Variants in FTCDNL1 observed in about 807,000 individuals in gnomAD.
FTCDNL1 encodes the protein formiminotransferase cyclodeaminase N-terminal like, also known as formiminotransferase N-terminal subdomain-containing protein.
In FTCDNL1, 11 loss-of-function variants were observed where a neutral mutation model predicts 5.9. The observed-to-expected ratio is 1.87, with a 90% CI of 1.18 to 3.10. FTCDNL1 has a LOEUF of 3.10. FTCDNL1 is among the 30% of genes most tolerant of loss of function. FTCDNL1 has a pLI of 0.00. For missense variants in FTCDNL1, 115 were observed against 65.5 expected (o/e 1.76, Z -2.61); for synonymous variants, 58 against 24.8 (o/e 2.34, Z -3.99).
chr2:199,831,948 TATAAACAGAAAA>T (rs1376379880), intron 3 of FTCDNL1, among the ~76,000 whole-genome samples: 1 of 152,146 alleles, frequency 6.6e-6, no homozygotes, highest in Non-Finnish European at 1.5e-5. Flanking sequence ...CTCTCCTCCC[TATAAACAGAAAA>T]ATAATGTGCC....
chr2:199,712,588 G>A, the FTCDNL1 span, among the ~76,000 whole-genome samples: 1 of 152,150 alleles, frequency 6.6e-6, no homozygotes, highest in East Asian at 1.9e-4. Flanking sequence ...AAACTAGGTG[G>A]CTTCAGTCAA....
At chr2:199,708,102 T>G in the FTCDNL1 span, among the ~76,000 whole-genome samples, 12 of 89,474 alleles carry the variant, frequency 1.3e-4, no homozygotes, top group African/African-American at 2.2e-4. Context: ...AGATTCTGAG[T>G]TTTTTTTCTG....
At chr2:199,819,969 A>G (rs984573953) in intron 3 of FTCDNL1, among the ~76,000 whole-genome samples, 10 of 152,218 alleles carry the variant, frequency 6.6e-5, no homozygotes, top group African/African-American at 1.9e-4. Context: ...TTTAAACATC[A>G]AAGCTTAAAC....
At chr2:199,784,801 G>A (rs952430877) in intron 3 of FTCDNL1, among the ~76,000 whole-genome samples, 1 of 152,138 alleles carries the variant, frequency 6.6e-6, no homozygotes, top group African/African-American at 2.4e-5. Flanking sequence ...ACTCATCTGT[G>A]AGTTATCAGC....
chr2:199,733,863 A>T, the FTCDNL1 span, among the ~76,000 whole-genome samples: 1 of 151,756 alleles, frequency 6.6e-6, no homozygotes, highest in East Asian at 1.9e-4. Context: ...CATTGCACTT[A>T]TATTTTTGTC....
the FTCDNL1 span, among the ~76,000 whole-genome samples, chr2:199,717,509 A>ATTTTTTTTTTTTTTT: frequency 9.7e-4 from 56 of 57,688 alleles, 3 homozygotes; most frequent in South Asian, 2.6e-3. Flanking sequence ...CAAGGCAGAG[A>ATTTTTTTTTTTTTTT]TTTTTTTTTT....
At chr2:199,835,768 C>G (rs959037866) in intron 3 of FTCDNL1, among the ~76,000 whole-genome samples, 3 of 152,176 alleles carry the variant, frequency 2.0e-5, no homozygotes, top group Admixed American at 1.3e-4. Context: ...GCTATAAACC[C>G]TTACTAGATC....
At chr2:199,789,491 T>C (rs577233782) in intron 3 of FTCDNL1, among the ~76,000 whole-genome samples, 1 of 152,216 alleles carries the variant, frequency 6.6e-6, no homozygotes, top group South Asian at 2.1e-4. Context: ...ACACAGAATA[T>C]TTATGAAAAA....
chr2:199,725,863 T>C, the FTCDNL1 span, among the ~76,000 whole-genome samples: 196 of 152,276 alleles, frequency 1.3e-3, no homozygotes, highest in Non-Finnish European at 2.5e-3. Context: ...ATTATGTGTC[T>C]TTGGGTTTAT....
the FTCDNL1 span, among the ~76,000 whole-genome samples, chr2:199,683,142 T>C: frequency 1.3e-5 from 2 of 152,206 alleles, no homozygotes; most frequent in Non-Finnish European, 2.9e-5. Flanking sequence ...TTAGATATGA[T>C]GCATCATCAT....
chr2:199,687,662 T>G, the FTCDNL1 span, among the ~76,000 whole-genome samples: 2 of 151,862 alleles, frequency 1.3e-5, no homozygotes, highest in Admixed American at 1.3e-4. Flanking sequence ...GGGATAGTTT[T>G]TCAGTAACCT....
chr2:199,701,700 GCAGAAA>G, the FTCDNL1 span, among the ~76,000 whole-genome samples: 4 of 152,166 alleles, frequency 2.6e-5, no homozygotes, highest in Non-Finnish European at 5.9e-5. Flanking sequence ...GTGAATTAAT[GCAGAAA>G]CAGAAAACCA....
At chr2:199,833,932 C>G (rs1702540557) in intron 3 of FTCDNL1, among the ~76,000 whole-genome samples, 1 of 152,200 alleles carries the variant, frequency 6.6e-6, no homozygotes, top group Admixed American at 6.5e-5. Flanking sequence ...CTGCCCATTA[C>G]TGATGTTTTC....
chr2:199,691,486 T>A, the FTCDNL1 span, among the ~76,000 whole-genome samples: 9 of 152,368 alleles, frequency 5.9e-5, no homozygotes, highest in Non-Finnish European at 1.0e-4. Flanking sequence ...ATTTTAAGAT[T>A]ATGTGTTTCT....
chr2:199,824,142 T>C (rs1239678004), intron 3 of FTCDNL1, among the ~76,000 whole-genome samples: 1 of 152,168 alleles, frequency 6.6e-6, no homozygotes, highest in African/African-American at 2.4e-5. Context: ...TAGCTAGAGA[T>C]GCCAGGCTCC....
In FTCDNL1 at chr2:199,811,382, T is replaced by C. The variant is rs937325040; in HGVS notation, c.*1323A>G. ...TATGTCCTAAAATCTAATGTACTTA[T>C]CCTATTTTGACTCAAGGAATGGTAA... On this transcript the variant is annotated 3_prime_UTR_variant, in exon 5 of 5. Transcript: ENST00000420128. Among the ~76,000 whole-genome samples the C allele has an allele frequency of 6.6e-5, 10 of 152,210 alleles. No individual in the cohort carries two copies. The highest frequency in any genetic ancestry group is 1.7e-4 in the African/African-American group (7 of 41,460).
chr2:199,665,629 C>G, the FTCDNL1 span, among the ~76,000 whole-genome samples: 11 of 95,238 alleles, frequency 1.2e-4, no homozygotes, highest in African/African-American at 3.4e-4. Flanking sequence ...AGCAAAACTT[C>G]GTCTTAAAAA....
chr2:199,789,181 A>C (rs1699802183), intron 3 of FTCDNL1, among the ~76,000 whole-genome samples: 2 of 152,268 alleles, frequency 1.3e-5, no homozygotes, highest in Admixed American at 6.5e-5. Flanking sequence ...AAAGATGGTA[A>C]CACAAAAATG....
At chr2:199,850,394 GT>G (rs1263544228) in intron 1 of FTCDNL1, among the ~76,000 whole-genome samples, 1 of 152,202 alleles carries the variant, frequency 6.6e-6, no homozygotes, top group African/African-American at 2.4e-5. Context: ...AACAAATGGT[GT>G]TTATGGCAAC....
Sources: gnomAD v4.1 joint callset for allele counts (sites outside exome capture counted in the v4.1 genomes callset) on GRCh38, gnomAD v4.1.1 for gene constraint, MANE v1.5 for transcripts, NCBI Gene and HGNC (gene_info 2026-07-23, HGNC 2026-07-21) for gene names.